The following ANO10 variants were observed in gnomAD, a reference collection of about 807,000 sequenced individuals.
ANO10 encodes anoctamin-10.
Under a neutral mutation model 74.7 loss-of-function variants are expected in ANO10, and 77 were observed. The observed-to-expected ratio is 1.03, with a 90% CI of 0.86 to 1.25. The LOEUF is 1.25. Ranked by LOEUF, ANO10 falls within the 50% of genes most tolerant of loss-of-function variation. The pLI is 0.00. For missense variants in ANO10, 721 were observed against 778.1 expected (o/e 0.93, Z 0.87); for synonymous variants, 279 against 284.9 (o/e 0.98, Z 0.21).
chr3:43,477,274 G>A (rs2076101345), intron 11 of ANO10, among the ~76,000 whole-genome samples: 2 of 152,062 alleles, frequency 1.3e-5, no homozygotes, highest in South Asian at 4.1e-4. Flanking sequence ...GTATTGTAGT[G>A]GATAAAACTT....
chr3:43,366,877 C>A lies in ANO10; in HGVS notation c.*29G>T. On this transcript the variant is annotated 3_prime_UTR_variant, in exon 13 of 13. Transcript: ENST00000292246. Reference sequence around the variant, plus strand: ...GGTGTGGCACAGACACAGGCCTCTGCCAACAGGGCAGCTGGGCACGCTGGG... The same window carrying A: ...GGTGTGGCACAGACACAGGCCTCTGACAACAGGGCAGCTGGGCACGCTGGG... 6.4e-7 allele frequency: 1 copy of A among 1,563,766 alleles called. No individual in the cohort carries two copies. The highest frequency in any genetic ancestry group is 8.7e-7 in the Non-Finnish European group (1 of 1,153,534).
chr3:43,504,962 C>T (rs963424758), intron 11 of ANO10, among the ~76,000 whole-genome samples: 7 of 152,008 alleles, frequency 4.6e-5, no homozygotes, highest in African/African-American at 1.4e-4. Context: ...TTCTTGAATC[C>T]GTTTCTAAAA....
intron 11 of ANO10, among the ~76,000 whole-genome samples, chr3:43,493,176 T>A (rs934422485): frequency 7.2e-5 from 11 of 152,020 alleles, no homozygotes; most frequent in Non-Finnish European, 1.5e-4. Context: ...TATCACAAGA[T>A]CAGAAAACCA....
chr3:43,438,696 G>A (rs762628011), intron 11 of ANO10, among the ~76,000 whole-genome samples: 8 of 151,810 alleles, frequency 5.3e-5, no homozygotes, highest in Admixed American at 1.3e-4. Context: ...GCAGTGAGCC[G>A]AGATGGTGCC....
At chr3:43,371,161 C>T (rs570970447) in intron 12 of ANO10, among the ~76,000 whole-genome samples, 3 of 152,258 alleles carry the variant, frequency 2.0e-5, no homozygotes, top group East Asian at 3.9e-4. Context: ...CCCCTTCTCA[C>T]CCCTGCCCCC....
intron 1 of ANO10, among the ~76,000 whole-genome samples, chr3:43,610,092 A>G (rs2082741214): frequency 6.6e-6 from 1 of 152,094 alleles, no homozygotes; most frequent in African/African-American, 2.4e-5. Context: ...CTGTACAAAA[A>G]TATTTTATTT....
At chr3:43,394,488 C>T (rs1052960911) in intron 12 of ANO10, among the ~76,000 whole-genome samples, 4 of 152,132 alleles carry the variant, frequency 2.6e-5, no homozygotes, top group African/African-American at 9.7e-5. Flanking sequence ...TGAATTTTTT[C>T]CATCCTGCAC....
At chr3:43,390,276 C>T (rs11710486) in intron 12 of ANO10, among the ~76,000 whole-genome samples, 27,678 of 152,186 alleles carry the variant, frequency 0.18, 3,077 homozygotes, top group Middle Eastern at 0.35. Context: ...CAGCTCCCTC[C>T]CCTCCTCCTT....
At chr3:43,680,401 A>G (rs979347344) in intron 1 of ANO10, among the ~76,000 whole-genome samples, 7 of 151,650 alleles carry the variant, frequency 4.6e-5, no homozygotes, top group African/African-American at 1.7e-4. Context: ...GAATAAAAAG[A>G]AACAAAGCCT....
At chr3:43,556,331 A>G (rs1230201290) in intron 9 of ANO10, among the ~76,000 whole-genome samples, 1 of 152,192 alleles carries the variant, frequency 6.6e-6, no homozygotes. Flanking sequence ...ATGTGCAGGC[A>G]GTTTTTCTCA....
intron 1 of ANO10, among the ~76,000 whole-genome samples, chr3:43,642,910 CA>C (rs771108857): frequency 6.6e-6 from 1 of 151,998 alleles, no homozygotes; most frequent in Non-Finnish European, 1.5e-5. Context: ...AGTTTATTTA[CA>C]GCCTCTCTTG....
intron 12 of ANO10, among the ~76,000 whole-genome samples, chr3:43,384,736 G>C (rs886278049): frequency 2.0e-5 from 3 of 152,152 alleles, no homozygotes; most frequent in Non-Finnish European, 4.4e-5. Context: ...AATGAGACTG[G>C]ATCTTCATCT....
intron 1 of ANO10, among the ~76,000 whole-genome samples, chr3:43,675,342 T>C (rs2084109813): frequency 6.6e-6 from 1 of 152,142 alleles, no homozygotes; most frequent in Admixed American, 6.5e-5. Context: ...GTTCTCAGAC[T>C]TGATAGCAAA....
chr3:43,436,864 G>A (rs1235775433), intron 11 of ANO10, among the ~76,000 whole-genome samples: 2 of 152,118 alleles, frequency 1.3e-5, no homozygotes, highest in Non-Finnish European at 2.9e-5. Context: ...TGTCTCTAAT[G>A]AAACAGAAAA....
intron 1 of ANO10, among the ~76,000 whole-genome samples, chr3:43,653,900 G>A (rs2083816430): frequency 6.7e-6 from 1 of 150,108 alleles, no homozygotes; most frequent in South Asian, 2.1e-4. Context: ...ATACATGTCA[G>A]TGAGATGCAA....
intron 11 of ANO10, among the ~76,000 whole-genome samples, chr3:43,534,518 G>A (rs1005128074): frequency 6.8e-6 from 1 of 147,566 alleles, no homozygotes; most frequent in African/African-American, 2.6e-5. Flanking sequence ...GAGAGAAAGA[G>A]AGAGAGAAGG....
intron 6 of ANO10, 116 bp from the exon 7 acceptor site, chr3:43,574,980 A>G (rs938267613): frequency 1.2e-6 from 1 of 801,800 alleles, no homozygotes; most frequent in Middle Eastern, 2.2e-4. Flanking sequence ...AGCCTCAGTC[A>G]GTAAATGTAC....
At chr3:43,428,499 C>A (rs1158938091) in intron 12 of ANO10, among the ~76,000 whole-genome samples, 2 of 152,038 alleles carry the variant, frequency 1.3e-5, no homozygotes, top group Non-Finnish European at 2.9e-5. Context: ...GGATCAGAGA[C>A]ATTAGAGCTG....
intron 12 of ANO10, among the ~76,000 whole-genome samples, chr3:43,382,608 G>A (rs909792083): frequency 1.8e-4 from 28 of 151,760 alleles, no homozygotes; most frequent in South Asian, 8.3e-4. Context: ...TAAATGAAAC[G>A]AAAAGCTGGT....
Sources: allele counts gnomAD v4.1 joint callset (sites outside exome capture counted in the v4.1 genomes callset), GRCh38; gene constraint gnomAD v4.1.1; transcripts MANE v1.5; gene names NCBI Gene and HGNC (gene_info 2026-07-23, HGNC 2026-07-21).